Variants in AASDHPPT observed in about 807,000 individuals in gnomAD.
AASDHPPT encodes the protein aminoadipate-semialdehyde dehydrogenase-phosphopantetheinyl transferase.
In AASDHPPT, 23 loss-of-function variants were observed where a neutral mutation model predicts 36.4. That is an observed-to-expected ratio of 0.63 (90% CI 0.45 to 0.89). The LOEUF (loss-of-function observed/expected upper bound fraction) is 0.89, where lower values mean the gene tolerates loss of function less well. Ranked by LOEUF, AASDHPPT falls within the 40% of genes least tolerant of loss-of-function variation. The probability of loss-of-function intolerance (pLI) is 0.00; values close to 1 mark genes in which losing one functional copy is unlikely to be tolerated. For synonymous variants in AASDHPPT, 115 were observed against 128.0 expected (o/e 0.90, Z 0.68); for missense variants, 377 against 378.2 (o/e 1.00, Z 0.03).
rs187604097 is a variant in AASDHPPT at position 106,090,509 on chromosome 11, T to C, written c.410-48T>C. ...CAGTTTTAGTAATAGAGCAACTTTT[T>C]ATTTTTTAATAGAACTGCTATTTAA... is the stretch of plus-strand genomic sequence containing the variant. On this transcript the variant is annotated intron_variant, in intron 2 of 5. Coordinates refer to ENST00000278618, the MANE Select transcript of AASDHPPT (RefSeq NM_015423.3). The C allele has an allele frequency of 6.9e-5, 103 of 1,486,228 alleles. No individual in the cohort carries two copies. In the African/African-American group the frequency reaches 1.3e-3, roughly 18 times the overall value. 92.1% of individuals were successfully genotyped at this position (1,486,228 alleles called of 1,614,324 possible). A position where few individuals can be genotyped will look rare whatever the true frequency, so the allele number is the denominator to read the frequency against.
chr11:106,077,703 T>C lies in AASDHPPT; in HGVS notation c.-8T>C. 2 of 1,608,320 alleles carry C rather than the reference T, an allele frequency of 1.2e-6. No homozygotes were observed. The highest frequency in any genetic ancestry group is 8.5e-7 in the Non-Finnish European group (1 of 1,175,522). ...GCCCGAGATAGCGGCGAGGTCCGCT[T>C]TCAGTGTATGGTTTTCCCTGCCAAA... On this transcript the variant is annotated 5_prime_UTR_variant, in exon 1 of 6. Coordinates refer to ENST00000278618, the MANE Select transcript of AASDHPPT (RefSeq NM_015423.3).
chr11:106,077,873 C>A lies in AASDHPPT; in HGVS notation c.163C>A (p.Arg55=), dbSNP rs1291238677. 7.4e-6 allele frequency: 12 copies of A among 1,614,000 alleles called. No individual in the cohort carries two copies. Among genetic ancestry groups the A allele is most frequent in the Non-Finnish European group, 1.0e-5 (12 of 1,179,974 alleles). ...KERIGQFVFA[R]DAKAAMAGRL... is the part of the protein sequence containing the mutation. ...GCGCATTGGCCAGTTCGTCTTTGCC[C>A]GGGACGCTAAGGCAGCCATGGTACT... is the stretch of plus-strand genomic sequence containing the variant. The change falls in exon 1 of 6, where the codon CGG becomes AGG. Residue 55 remains arginine (R), a synonymous_variant. Coordinates refer to ENST00000278618, the MANE Select transcript of AASDHPPT (RefSeq NM_015423.3).
intron 5 of AASDHPPT, chr11:106,096,493 T>A (rs142830289): frequency 3.5e-6 from 1 of 289,042 alleles, no homozygotes; most frequent in African/African-American, 2.2e-5. Context: ...GCCCAGTAAA[T>A]CTACATGTAA....
intron 5 of AASDHPPT, 165 bp from the exon 6 acceptor site, chr11:106,096,578 A>G: frequency 2.0e-6 from 1 of 489,122 alleles, no homozygotes. Flanking sequence ...GATTTGTTGT[A>G]TTGGCAACAC....
intron 2 of AASDHPPT, chr11:106,086,212 A>G (rs1002629): frequency 0.077 from 11,692 of 152,364 alleles, 587 homozygotes; most frequent in Middle Eastern, 0.15. Context: ...AGGTGTCAGC[A>G]GGGCCATGGT....
chr11:106,080,336 C>T (rs987469532), intron 2 of AASDHPPT, among the ~76,000 whole-genome samples: 4 of 152,186 alleles, frequency 2.6e-5, no homozygotes, highest in African/African-American at 4.8e-5. Flanking sequence ...TACCAACGGG[C>T]GACTCTTTGT....
At position 106,092,226 on chromosome 11, in the gene AASDHPPT, T is replaced by C. The variant is rs552942457; in HGVS notation, c.693+749T>C. On this transcript the variant is annotated intron_variant, in intron 4 of 5. Transcript: ENST00000278618. ...TCACTTTCTGTTCCAAGCCCAAAAA[T>C]CCTAGAGAAGGGATGCCCTGGCCTA... The C allele has an allele frequency of 5.9e-5, 9 of 152,240 alleles. No homozygotes were observed. In the East Asian group the frequency reaches 1.7e-3, roughly 29 times the overall value. 9.4% of individuals were successfully genotyped at this position (152,240 alleles called of 1,614,324 possible).
chr11:106,091,754 G>T (rs1861259228), intron 4 of AASDHPPT: 3 of 253,024 alleles, frequency 1.2e-5, no homozygotes, highest in Non-Finnish European at 2.2e-5. Flanking sequence ...AGCCACTTTG[G>T]CTGGGCCATA....
intron 2 of AASDHPPT, among the ~76,000 whole-genome samples, chr11:106,083,692 T>G (rs965794652): frequency 6.6e-6 from 1 of 152,196 alleles, no homozygotes; most frequent in African/African-American, 2.4e-5. Flanking sequence ...GATAAAAGAT[T>G]ATTTATTAAA....
intron 4 of AASDHPPT, 124 bp downstream of exon 4, chr11:106,091,601 A>ACTTTCAGAGC: frequency 1.1e-6 from 1 of 930,434 alleles, no homozygotes; most frequent in Non-Finnish European, 1.6e-6. Flanking sequence ...GCTGCTCTGA[A>ACTTTCAGAGC]AGTGAAATCA....
rs1430583893 is a variant in AASDHPPT, at chr11:106,097,911, C to T, written c.*1004C>T. 1 of 152,096 alleles carries T rather than the reference C, an allele frequency of 6.6e-6. No individual in the cohort carries two copies. The highest frequency in any genetic ancestry group is 6.6e-5 in the Admixed American group (1 of 15,234). 9.4% of individuals were successfully genotyped at this position (152,096 alleles called of 1,614,324 possible). Reference sequence around the variant, plus strand: ...TTTACTCACTTTTTTCTGTGTTAGACATTTTGATTATCTGCAGTTTATTAC... The same window carrying T: ...TTTACTCACTTTTTTCTGTGTTAGATATTTTGATTATCTGCAGTTTATTAC... On this transcript the variant is annotated 3_prime_UTR_variant, in exon 6 of 6. Transcript: ENST00000278618.
chr11:106,097,052 G>A lies in AASDHPPT; in HGVS notation c.*145G>A. 5 of 784,302 alleles carry A rather than the reference G, an allele frequency of 6.4e-6. No homozygotes were observed. The highest frequency in any genetic ancestry group is 7.6e-6 in the Non-Finnish European group (4 of 527,734). The allele number at this position is 784,302 out of a possible 1,614,324, so 48.6% of individuals were successfully genotyped here. ...CTTTTCCAATTAAAAAAAAAAAGCA[G>A]ACTTCTGGTTCAAGATAGCTCACTG... On this transcript the variant is annotated 3_prime_UTR_variant, in exon 6 of 6. Coordinates refer to ENST00000278618, the MANE Select transcript of AASDHPPT (RefSeq NM_015423.3).
rs2030724969 is a variant in AASDHPPT, at chr11:106,097,102, C to T, written c.*195C>T. The stretch of plus-strand genomic sequence containing the variant: ...GGAATACATGTTTACCTCTTTCTTT[C>T]CTAAATTGCATTGAATTGATAGGAA... On this transcript the variant is annotated 3_prime_UTR_variant, in exon 6 of 6. Transcript: ENST00000278618. 7 of 483,252 alleles carry T rather than the reference C, an allele frequency of 1.4e-5. No homozygotes were observed. The South Asian group carries it at 2.1e-4, about 15-fold the overall frequency. The allele number at this position is 483,252 out of a possible 1,614,324, so 29.9% of individuals were successfully genotyped here. A position where few individuals can be genotyped will look rare whatever the true frequency, so the allele number is the denominator to read the frequency against.
intron 4 of AASDHPPT, 39 bp from the exon 5 acceptor site, chr11:106,094,544 T>C (rs1318589320): frequency 7.0e-7 from 1 of 1,436,502 alleles, no homozygotes; most frequent in African/African-American, 1.5e-5. Flanking sequence ...TAGGTTTACA[T>C]ATTTTATAAT....
At chr11:106,078,139 T>G (rs927255338) in intron 1 of AASDHPPT, among the ~76,000 whole-genome samples, 1 of 152,216 alleles carries the variant, frequency 6.6e-6, no homozygotes, top group Admixed American at 6.5e-5. Context: ...CCTTGTTATT[T>G]CAAATGGAGA....
At chr11:106,089,116 A>G (rs952332156) in intron 2 of AASDHPPT, among the ~76,000 whole-genome samples, 11 of 152,048 alleles carry the variant, frequency 7.2e-5, no homozygotes, top group African/African-American at 2.2e-4. Flanking sequence ...TAGCACTTGT[A>G]TGCTTTTAGT....
At chr11:106,087,201 A>G (rs1418936114) in intron 2 of AASDHPPT, among the ~76,000 whole-genome samples, 1 of 152,208 alleles carries the variant, frequency 6.6e-6, no homozygotes, top group East Asian at 1.9e-4. Flanking sequence ...TGATAGTAAC[A>G]TGCAAGAAGC....
At chr11:106,079,316 A>G (rs1861104810) in intron 1 of AASDHPPT, 151 bp from the exon 2 acceptor site, 2 of 634,234 alleles carry the variant, frequency 3.2e-6, no homozygotes, top group Non-Finnish European at 5.2e-6. Context: ...AGCATTGCTT[A>G]AGTCTTAATT....
intron 5 of AASDHPPT, 120 bp downstream of exon 5, chr11:106,094,774 G>T: frequency 1.5e-6 from 1 of 668,460 alleles, no homozygotes. Context: ...TAAGATTATA[G>T]ATATAGTAGT....
Sources: allele counts gnomAD v4.1 joint callset (sites outside exome capture counted in the v4.1 genomes callset), GRCh38; gene constraint gnomAD v4.1.1; transcripts MANE v1.5; gene names NCBI Gene and HGNC (gene_info 2026-07-23, HGNC 2026-07-21).